FAM168B: variants seen among roughly 807,000 people sequenced by gnomAD.
The protein encoded by FAM168B is myelin-associated neurite-outgrowth inhibitor.
FAM168B carries 19 observed loss-of-function variants against 21.8 expected under a neutral mutation model. That is an observed-to-expected ratio of 0.87 (90% confidence interval 0.61 to 1.28). The LOEUF (loss-of-function observed/expected upper bound fraction) is 1.28. Among genes scored for constraint, FAM168B ranks in the 50% most tolerant of loss-of-function variants. FAM168B has a pLI of 0.00. For missense variants in FAM168B, 233 were observed against 263.1 expected (o/e 0.89, Z 0.79); for synonymous variants, 126 against 104.8 (o/e 1.20, Z -1.24).
chr2:131,081,406 C>T (rs1012607656), intron 2 of FAM168B, among the ~76,000 whole-genome samples: 1 of 152,216 alleles, frequency 6.6e-6, no homozygotes, highest in Non-Finnish European at 1.5e-5. Context: ...GCATTCGCTG[C>T]TGTCAGGAGC....
chr2:131,060,970 G>C (rs1049909057), intron 3 of FAM168B, among the ~76,000 whole-genome samples: 5 of 151,532 alleles, frequency 3.3e-5, no homozygotes, highest in African/African-American at 1.2e-4. Flanking sequence ...TCCTGCCTCA[G>C]TCTCCTGAGT....
Position 131,049,444 on chromosome 2 carries a change from T to G in FAM168B, c.*3021A>C. ...CTTAACAGATGGCTCACGAGAGACA[T>G]AAAAGGTTCTGGAAGTGCCTTCAGG... On this transcript the variant is annotated 3_prime_UTR_variant, in exon 7 of 7. Transcript: ENST00000389915. 1.0e-6 allele frequency: 1 copy of G among 985,204 alleles called. No individual in the cohort carries two copies. Among genetic ancestry groups the G allele is most frequent in the Non-Finnish European group, 1.2e-6 (1 of 829,894 alleles). The allele number at this position is 985,204 out of a possible 1,614,324, so 61.0% of individuals were successfully genotyped here.
chr2:131,089,965 G>A lies in FAM168B; in HGVS notation c.-12+3249C>T, dbSNP rs1398506632. ...GAGAATCACTTGAACCCAGGAGGCAGAGGTTTCAGTGAGCCGAGATCATAC... is the reference window on the plus strand; with the variant it reads ...GAGAATCACTTGAACCCAGGAGGCAAAGGTTTCAGTGAGCCGAGATCATAC... On this transcript the variant is annotated intron_variant, in intron 1 of 6. Coordinates refer to ENST00000389915, the MANE Select transcript of FAM168B (RefSeq NM_001009993.4). Among the ~76,000 whole-genome samples the A allele has an allele frequency of 3.3e-5, 5 of 151,828 alleles. No individual in the cohort carries two copies. In the East Asian group the frequency reaches 9.7e-4, roughly 29 times the overall value.
intron 1 of FAM168B, among the ~76,000 whole-genome samples, chr2:131,089,937 CAGG>C (rs1693920056): frequency 6.6e-6 from 1 of 151,652 alleles, no homozygotes; most frequent in Admixed American, 6.6e-5. Context: ...GAGGCCGAGG[CAGG>C]AGAATCACTT....
At chr2:131,059,582 T>C (rs866307125) in intron 3 of FAM168B, among the ~76,000 whole-genome samples, 8 of 152,190 alleles carry the variant, frequency 5.3e-5, no homozygotes, top group Middle Eastern at 6.8e-3. Flanking sequence ...CAAGATGATA[T>C]TTTTTTTATA....
chr2:131,091,662 A>G (rs1220325970), intron 1 of FAM168B, among the ~76,000 whole-genome samples: 1 of 150,814 alleles, frequency 6.6e-6, no homozygotes, highest in Admixed American at 6.9e-5. Flanking sequence ...AAAAAAAAAG[A>G]AAAAAGAAAA....
intron 3 of FAM168B, among the ~76,000 whole-genome samples, chr2:131,062,580 T>C (rs1331723436): frequency 6.6e-6 from 1 of 152,224 alleles, no homozygotes; most frequent in Non-Finnish European, 1.5e-5. Flanking sequence ...CCCGAGTAGC[T>C]GGGATTACAA....
Position 131,050,785 on chromosome 2 carries a change from C to G in FAM168B, c.*1680G>C. The stretch of plus-strand genomic sequence containing the variant: ...CCTCACTGGGCGCCAGTGCCCTGAC[C>G]CAGCTACCAGCAAATGAAGAGGAGC... On this transcript the variant is annotated 3_prime_UTR_variant, in exon 7 of 7. Transcript: ENST00000389915. 2 of 985,438 alleles carry G rather than the reference C, an allele frequency of 2.0e-6. No homozygotes were observed. The highest frequency in any genetic ancestry group is 2.4e-6 in the Non-Finnish European group (2 of 829,962). 61.0% of individuals were successfully genotyped at this position (985,438 alleles called of 1,614,324 possible). A position where few individuals can be genotyped will look rare whatever the true frequency, so the allele number is the denominator to read the frequency against.
chr2:131,056,394 A>G (rs1409106766), intron 3 of FAM168B, among the ~76,000 whole-genome samples: 1 of 152,210 alleles, frequency 6.6e-6, no homozygotes, highest in Non-Finnish European at 1.5e-5. Flanking sequence ...AGGATGATTG[A>G]GCAGACTCGA....
chr2:131,082,189 C>CT (rs1434304907), intron 2 of FAM168B, among the ~76,000 whole-genome samples: 1 of 152,150 alleles, frequency 6.6e-6, no homozygotes, highest in African/African-American at 2.4e-5. Flanking sequence ...AAGCCCAGGA[C>CT]TGGTTTGAAT....
At chr2:131,067,890 T>A (rs1017115782) in intron 3 of FAM168B, among the ~76,000 whole-genome samples, 2 of 152,254 alleles carry the variant, frequency 1.3e-5, no homozygotes, top group East Asian at 1.9e-4. Flanking sequence ...AGTTATAAAA[T>A]TCAAAACATG....
chr2:131,089,805 G>A (rs1441750901), intron 1 of FAM168B, among the ~76,000 whole-genome samples: 1 of 151,956 alleles, frequency 6.6e-6, no homozygotes, highest in Non-Finnish European at 1.5e-5. Context: ...AGGCCAAGGT[G>A]GGCAGATCAC....
chr2:131,074,019 AG>A (rs569117928), intron 2 of FAM168B, among the ~76,000 whole-genome samples: 91 of 152,352 alleles, frequency 6.0e-4, no homozygotes, highest in Non-Finnish European at 1.0e-3. Context: ...CAACCAACAG[AG>A]GGGGCCTCAG....
At chr2:131,086,387 C>G (rs1199315507) in intron 1 of FAM168B, among the ~76,000 whole-genome samples, 1 of 152,054 alleles carries the variant, frequency 6.6e-6, no homozygotes, top group Non-Finnish European at 1.5e-5. Context: ...AAGCGCTGTC[C>G]AACAGAACTG....
At chr2:131,087,860 G>C (rs896691295) in intron 1 of FAM168B, among the ~76,000 whole-genome samples, 1 of 152,162 alleles carries the variant, frequency 6.6e-6, no homozygotes, top group African/African-American at 2.4e-5. Context: ...ATTCCTAACA[G>C]CCAAAAACTG....
rs114921679 is a variant in FAM168B at position 131,079,022 on chromosome 2, G to A, written c.70+3555C>T. On this transcript the variant is annotated intron_variant, in intron 2 of 6. Transcript: ENST00000389915. ...AAAAAAATTATTTTGACAGAAACCA[G>A]ATGACAAATTTTATCTTTAAAGTGC... is the stretch of plus-strand genomic sequence containing the variant. Among the ~76,000 whole-genome samples the A allele has an allele frequency of 2.7e-3, 403 of 151,168 alleles. 1 individual carries two copies. Among genetic ancestry groups the A allele is most frequent in the African/African-American group, 8.6e-3 (354 of 41,134 alleles).
intron 3 of FAM168B, among the ~76,000 whole-genome samples, chr2:131,069,312 G>A (rs1026095353): frequency 6.6e-6 from 1 of 152,232 alleles, no homozygotes; most frequent in Non-Finnish European, 1.5e-5. Flanking sequence ...TCTACGGCAT[G>A]ATCATCACAT....
intron 2 of FAM168B, among the ~76,000 whole-genome samples, chr2:131,073,208 T>A (rs554518240): frequency 2.0e-5 from 3 of 152,084 alleles, no homozygotes; most frequent in South Asian, 4.2e-4. Context: ...TTCTCCTGCC[T>A]CAGTCTCCCT....
intron 3 of FAM168B, among the ~76,000 whole-genome samples, chr2:131,065,711 C>T (rs1021593278): frequency 1.3e-4 from 20 of 151,338 alleles, no homozygotes; most frequent in Admixed American, 1.3e-3. Context: ...ATCGCTTGAA[C>T]CCAGGTGGCA....
Sources: gnomAD v4.1 joint callset for allele counts (sites outside exome capture counted in the v4.1 genomes callset) on GRCh38, gnomAD v4.1.1 for gene constraint, MANE v1.5 for transcripts, NCBI Gene and HGNC (gene_info 2026-07-23, HGNC 2026-07-21) for gene names.